The following SNX29 variants were observed in gnomAD, a reference collection of about 807,000 sequenced individuals.
The protein encoded by SNX29 is sorting nexin-29.
SNX29 carries 78 observed loss-of-function variants against 102.1 expected under a neutral mutation model. The ratio of observed to expected loss-of-function variants is 0.76; its 90% CI spans 0.64 to 0.92. The LOEUF (loss-of-function observed/expected upper bound fraction) is 0.92, where lower values mean the gene tolerates loss of function less well. SNX29 is among the 40% of genes least tolerant of loss of function. The pLI, the probability that SNX29 is intolerant of heterozygous loss-of-function variation, is 0.00. For missense variants in SNX29, 1,280 were observed against 1,061.7 expected (o/e 1.21, Z -2.86); for synonymous variants, 580 against 414.5 (o/e 1.40, Z -4.85).
At chr16:12,500,710 C>T (rs1010069099) in intron 19 of SNX29, among the ~76,000 whole-genome samples, 24 of 152,234 alleles carry the variant, frequency 1.6e-4, no homozygotes, top group East Asian at 3.8e-4. Flanking sequence ...GAGAGCTTGT[C>T]GGATGTGCAG....
At chr16:12,247,023 G>A (rs2078279366) in intron 14 of SNX29, among the ~76,000 whole-genome samples, 2 of 152,124 alleles carry the variant, frequency 1.3e-5, no homozygotes, top group Non-Finnish European at 2.9e-5. Flanking sequence ...AGGGGAGCAG[G>A]GCCTTGTAGG....
intron 18 of SNX29, among the ~76,000 whole-genome samples, chr16:12,443,623 G>A (rs1336056587): frequency 6.6e-6 from 1 of 152,166 alleles, no homozygotes; most frequent in South Asian, 2.1e-4. Context: ...GCTAACTTTT[G>A]TGTTTTCATT....
At chr16:12,463,755 T>G (rs1352082500) in intron 18 of SNX29, among the ~76,000 whole-genome samples, 2 of 152,152 alleles carry the variant, frequency 1.3e-5, no homozygotes, top group East Asian at 3.8e-4. Flanking sequence ...TGGTTTGATG[T>G]ACATATACAT....
chr16:12,519,171 T>A (rs908147826), intron 19 of SNX29, among the ~76,000 whole-genome samples: 3 of 152,200 alleles, frequency 2.0e-5, no homozygotes, highest in Non-Finnish European at 4.4e-5. Flanking sequence ...TCTCCCGGTT[T>A]TAATGTTTCA....
At chr16:12,023,555 G>GT (rs1171373751) in intron 3 of SNX29, among the ~76,000 whole-genome samples, 2 of 148,912 alleles carry the variant, frequency 1.3e-5, no homozygotes, top group East Asian at 3.9e-4. Flanking sequence ...TCCAGCCTGG[G>GT]TAACAGAGCA....
chr16:12,177,213 A>G (rs980046814), intron 13 of SNX29, among the ~76,000 whole-genome samples: 1 of 151,964 alleles, frequency 6.6e-6, no homozygotes, highest in African/African-American at 2.4e-5. Context: ...CAGCCTCCCA[A>G]AGTGCTGGGA....
intron 18 of SNX29, among the ~76,000 whole-genome samples, chr16:12,447,830 C>G (rs2086131810): frequency 6.6e-6 from 1 of 152,244 alleles, no homozygotes; most frequent in Non-Finnish European, 1.5e-5. Context: ...AGAGCCCTCT[C>G]TTCCCTGTAC....
chr16:12,235,426 T>G (rs1859944142), intron 14 of SNX29, among the ~76,000 whole-genome samples: 1 of 152,142 alleles, frequency 6.6e-6, no homozygotes, highest in African/African-American at 2.4e-5. Context: ...ATTTTCACAT[T>G]TGGAGGTACA....
intron 4 of SNX29, among the ~76,000 whole-genome samples, chr16:12,040,822 A>G (rs574924207): frequency 1.6e-4 from 24 of 152,312 alleles, no homozygotes; most frequent in African/African-American, 5.5e-4. Flanking sequence ...CACTCATACA[A>G]TATGATGTGG....
intron 13 of SNX29, among the ~76,000 whole-genome samples, chr16:12,162,918 G>T (rs2055851579): frequency 1.3e-5 from 2 of 151,964 alleles, no homozygotes; most frequent in Admixed American, 1.3e-4. Context: ...GTCTCACTCT[G>T]TTGCCAAAGC....
intron 14 of SNX29, among the ~76,000 whole-genome samples, chr16:12,251,457 CT>C (rs1334687813): frequency 6.6e-6 from 1 of 152,176 alleles, no homozygotes; most frequent in Non-Finnish European, 1.5e-5. Flanking sequence ...AATCCCAACA[CT>C]TTGGGGGGCC....
intron 20 of SNX29, chr16:12,556,225 G>C (rs574681806): frequency 1.3e-5 from 2 of 152,150 alleles, no homozygotes; most frequent in Non-Finnish European, 2.9e-5. Context: ...CCAATTGTGA[G>C]GTTGGTTTCA....
At chr16:12,354,217 G>T (rs1261615824) in intron 15 of SNX29, among the ~76,000 whole-genome samples, 2 of 152,162 alleles carry the variant, frequency 1.3e-5, no homozygotes, top group Non-Finnish European at 2.9e-5. Context: ...CTGTAGGTAG[G>T]GATATGTGAT....
At chr16:12,514,419 C>T (rs913457288) in intron 19 of SNX29, among the ~76,000 whole-genome samples, 1 of 152,186 alleles carries the variant, frequency 6.6e-6, no homozygotes, top group African/African-American at 2.4e-5. Context: ...GCCTTTCTCT[C>T]CCACTGTCGT....
At chr16:12,108,494 G>A (rs1448483688) in intron 11 of SNX29, among the ~76,000 whole-genome samples, 3 of 152,238 alleles carry the variant, frequency 2.0e-5, no homozygotes, top group Admixed American at 2.0e-4. Context: ...GAGTCTTGGA[G>A]GTGCTGTGTT....
At position 12,463,124 on chromosome 16, in the gene SNX29, T is replaced by C. The variant is rs13331185; in HGVS notation, c.2038-14595T>C. ...GATGCCCCTTATTAGGACGCCAGGC[T>C]CCTGGGCACTGCTGCCCGTCAGCGG... On this transcript the variant is annotated intron_variant, in intron 18 of 20. Coordinates refer to ENST00000566228, the MANE Select transcript of SNX29 (RefSeq NM_032167.5). 4.7e-3 allele frequency among the ~76,000 whole-genome samples: 713 copies of C among 152,304 alleles called. 9 individuals are homozygous for C. Among genetic ancestry groups the C allele is most frequent in the African/African-American group, 0.016 (682 of 41,564 alleles).
chr16:12,513,531 G>A (rs539548687), intron 19 of SNX29, among the ~76,000 whole-genome samples: 1 of 152,054 alleles, frequency 6.6e-6, no homozygotes, highest in African/African-American at 2.4e-5. Context: ...TTCTGTCCAT[G>A]CCTGGTGCGT....
At chr16:12,293,442 C>T (rs1184300311) in intron 15 of SNX29, among the ~76,000 whole-genome samples, 2 of 152,140 alleles carry the variant, frequency 1.3e-5, no homozygotes, top group Admixed American at 1.3e-4. Flanking sequence ...TGTTTGTTTC[C>T]GAAGATTAGC....
At chr16:12,349,664 A>G (rs753072159) in intron 15 of SNX29, among the ~76,000 whole-genome samples, 38 of 152,228 alleles carry the variant, frequency 2.5e-4, no homozygotes, top group Non-Finnish European at 4.9e-4. Context: ...CATTTTGGAT[A>G]AGGGATACTT....
Sources: gnomAD v4.1 joint callset for allele counts (sites outside exome capture counted in the v4.1 genomes callset) on GRCh38, gnomAD v4.1.1 for gene constraint, MANE v1.5 for transcripts, NCBI Gene and HGNC (gene_info 2026-07-23, HGNC 2026-07-21) for gene names.